TBCB: variants seen among roughly 807,000 people sequenced by gnomAD.
TBCB encodes the protein tubulin folding cofactor B.
Under a neutral mutation model 29.2 loss-of-function variants are expected in TBCB, and 18 were observed. That is an observed-to-expected ratio of 0.62 (90% CI 0.43 to 0.91). TBCB has a LOEUF of 0.91. TBCB is among the 40% of genes least tolerant of loss of function. The pLI, the probability that TBCB is intolerant of heterozygous loss-of-function variation, is 0.00. For synonymous variants in TBCB, 172 were observed against 137.8 expected (o/e 1.25, Z -1.74); for missense variants, 336 against 337.6 (o/e 1.00, Z 0.04).
At chr19:36,124,839 G>A (rs959993057) in intron 4 of TBCB, among the ~76,000 whole-genome samples, 7 of 152,062 alleles carry the variant, frequency 4.6e-5, no homozygotes, top group African/African-American at 1.7e-4. Flanking sequence ...CACCGCACCC[G>A]GCCAGTATGT....
Position 36,125,700 on chromosome 19 carries a change from C to G in TBCB, c.653C>G (p.Ala218Gly), listed in dbSNP as rs755321802. ...GGGAAACGCTACTTCGAATGCCAGGCCAAGTATGGCGCCTTTGTCAAGCCA... is the reference window on the plus strand; with the variant it reads ...GGGAAACGCTACTTCGAATGCCAGGGCAAGTATGGCGCCTTTGTCAAGCCA... ...VNGKRYFECQ[A>G]KYGAFVKPAV... The change falls in exon 6 of 6, where the codon GCC becomes GGC. Residue 218 changes from alanine (A) to glycine (G), a missense_variant. Ala to Gly is a moderately conservative substitution (Grantham distance 60). Coordinates refer to ENST00000221855, the MANE Select transcript of TBCB (RefSeq NM_001281.3). 6.3e-6 allele frequency: 10 copies of G among 1,581,490 alleles called. No individual in the cohort carries two copies. Among genetic ancestry groups the G allele is most frequent in the African/African-American group, 1.3e-5 (1 of 74,198 alleles).
intron 2 of TBCB, chr19:36,116,487 A>T: frequency 3.2e-6 from 1 of 316,162 alleles, no homozygotes; most frequent in Non-Finnish European, 6.0e-6. Context: ...GGAAAGGGTG[A>T]CTTAAGAGAA....
At chr19:36,120,834 C>T (rs763657480) in intron 3 of TBCB, 28 bp downstream of exon 3, 10 of 1,607,470 alleles carry the variant, frequency 6.2e-6, no homozygotes, top group Middle Eastern at 1.7e-4. Context: ...TCGAGGGGTG[C>T]GTGGGGGCCA....
chr19:36,125,709 G>A lies in TBCB; in HGVS notation c.662G>A (p.Gly221Asp), dbSNP rs759344300. The change falls in exon 6 of 6, where the codon GGC becomes GAC. Residue 221 changes from glycine (G) to aspartate (D), a missense_variant. Coordinates refer to ENST00000221855, the MANE Select transcript of TBCB (RefSeq NM_001281.3). ...TACTTCGAATGCCAGGCCAAGTATG[G>A]CGCCTTTGTCAAGCCAGCAGTCGTG... ...KRYFECQAKY[G>D]AFVKPAVVTV... 2.3e-5 allele frequency: 37 copies of A among 1,582,968 alleles called. No homozygotes were observed. The highest frequency in any genetic ancestry group is 3.2e-5 in the Non-Finnish European group (37 of 1,163,874).
At chr19:36,120,949 A>T in intron 3 of TBCB, 143 bp downstream of exon 3, 2 of 591,726 alleles carry the variant, frequency 3.4e-6, no homozygotes, top group Non-Finnish European at 5.5e-6. Context: ...TATAGGGGTG[A>T]GGCTGGGAGT....
intron 3 of TBCB, 107 bp from the exon 4 acceptor site, chr19:36,121,420 A>C (rs1974047143): frequency 7.4e-7 from 1 of 1,354,672 alleles, no homozygotes; most frequent in African/African-American, 1.5e-5. Flanking sequence ...GCCCTTTGTC[A>C]CCTGGAAGAG....
intron 2 of TBCB, among the ~76,000 whole-genome samples, chr19:36,117,321 G>C (rs137946199): frequency 6.6e-6 from 1 of 152,282 alleles, no homozygotes; most frequent in East Asian, 1.9e-4. Context: ...GCCTGGGACA[G>C]GGAGGATAGT....
At chr19:36,119,394 A>G (rs1974007476) in intron 2 of TBCB, among the ~76,000 whole-genome samples, 1 of 151,972 alleles carries the variant, frequency 6.6e-6, no homozygotes, top group Non-Finnish European at 1.5e-5. Context: ...CACTCTCATC[A>G]AATCCTCTCG....
intron 4 of TBCB, among the ~76,000 whole-genome samples, chr19:36,122,458 G>C (rs1041074076): frequency 1.3e-5 from 2 of 151,326 alleles, no homozygotes; most frequent in African/African-American, 4.9e-5. Flanking sequence ...AAAAAGGCTG[G>C]GTGCAGTGGC....
chr19:36,119,411 C>T (rs537074306), intron 2 of TBCB, among the ~76,000 whole-genome samples: 7 of 152,256 alleles, frequency 4.6e-5, no homozygotes, highest in Admixed American at 4.6e-4. Flanking sequence ...CTCGGCTCCA[C>T]CTACAAAAAC....
At chr19:36,119,743 A>C (rs1484259989) in intron 2 of TBCB, among the ~76,000 whole-genome samples, 1 of 151,946 alleles carries the variant, frequency 6.6e-6, no homozygotes. Flanking sequence ...AAATACAAAA[A>C]TTAGCCGGGT....
chr19:36,121,529 A>G lies in TBCB; in HGVS notation c.358A>G (p.Thr120Ala). 6.4e-7 allele frequency: 1 copy of G among 1,555,550 alleles called. No individual in the cohort carries two copies. Among genetic ancestry groups the G allele is most frequent in the Non-Finnish European group, 8.7e-7 (1 of 1,152,428 alleles). Residue 120 changes from threonine (T) to alanine (A), a missense_variant and splice_region_variant, in exon 4 of 6, where the codon ACG (threonine) becomes GCG (alanine). Coordinates refer to ENST00000221855, the MANE Select transcript of TBCB (RefSeq NM_001281.3). ...ACCCCAGCCCCCTCTGCCCACAGAC[A>G]CGGTCCGCTCTTTCCTGAAGCGCAG... ...SQEAYDQRQDTVRSFLKRSKL... is the reference protein window; with the variant it reads ...SQEAYDQRQDAVRSFLKRSKL...
chr19:36,122,029 C>T (rs1383298044), intron 4 of TBCB: 4 of 461,334 alleles, frequency 8.7e-6, no homozygotes, highest in African/African-American at 2.1e-5. Context: ...AAACGGGCGG[C>T]GTGACCAAGG....
rs1974055885 is a variant in TBCB, at chr19:36,121,725, G to C, written c.547+7G>C. On this transcript the variant is annotated splice_region_variant and intron_variant, in intron 4 of 5. Transcript: ENST00000221855. ...GGCACCGTCATGTATGTAGGTGCGT[G>C]GCTCGCGGGCCCGGTCCCGGGCTCC... The C allele has an allele frequency of 7.7e-6, 12 of 1,548,990 alleles. No homozygotes were observed. The highest frequency in any genetic ancestry group is 9.6e-6 in the Non-Finnish European group (11 of 1,147,312).
Position 36,125,472 on chromosome 19 carries a change from G to C in TBCB, c.569G>C (p.Gly190Ala). Residue 190 changes from glycine (G) to alanine (A), a missense_variant, in exon 5 of 6, where the codon GGC becomes GCC. Transcript: ENST00000221855. ...GCAGGTCTCACAGATTTCAAGCCTG[G>C]CTACTGGATTGGTGTCCGCTATGAT... is the stretch of plus-strand genomic sequence containing the variant. ...MYVGLTDFKP[G>A]YWIGVRYDEP... The C allele has an allele frequency of 6.2e-7, 1 of 1,614,208 alleles. No homozygotes were observed. The highest frequency in any genetic ancestry group is 8.5e-7 in the Non-Finnish European group (1 of 1,180,044).
chr19:36,125,339 C>G, intron 4 of TBCB, 112 bp from the exon 5 acceptor site: 1 of 1,214,462 alleles, frequency 8.2e-7, no homozygotes, highest in Non-Finnish European at 1.2e-6. Flanking sequence ...ATGGTTTTCA[C>G]CAAGACAGGC....
At position 36,121,732 on chromosome 19, in the gene TBCB, G is replaced by A. The variant is rs749250106; in HGVS notation, c.547+14G>A. 9.7e-6 allele frequency: 15 copies of A among 1,548,336 alleles called. No homozygotes were observed. The highest frequency in any genetic ancestry group is 5.5e-5 in the African/African-American group (4 of 73,010). ...TCATGTATGTAGGTGCGTGGCTCGC[G>A]GGCCCGGTCCCGGGCTCCAGGGCTC... On this transcript the variant is annotated intron_variant, in intron 4 of 5. Transcript: ENST00000221855.
In TBCB at chr19:36,125,916, C is replaced by CA. The variant is rs1974131976; in HGVS notation, c.*135dup. The CA allele has an allele frequency of 1.6e-6, 1 of 618,826 alleles. No individual in the cohort carries two copies. The highest frequency in any genetic ancestry group is 2.5e-6 in the Non-Finnish European group (1 of 392,936). 38.3% of individuals were successfully genotyped at this position (618,826 alleles called of 1,614,324 possible). A position where few individuals can be genotyped will look rare whatever the true frequency, so the allele number is the denominator to read the frequency against. ...TCCTTTGCCATTGATTTTTGAGACT[C>CA]ATGCATTAAATTCACTAGAAACCCA... On this transcript the variant is annotated 3_prime_UTR_variant, in exon 6 of 6. Transcript: ENST00000221855.
chr19:36,124,450 G>T (rs1355225331), intron 4 of TBCB, among the ~76,000 whole-genome samples: 1 of 152,070 alleles, frequency 6.6e-6, no homozygotes, highest in Non-Finnish European at 1.5e-5. Flanking sequence ...CAAACTCCTG[G>T]CCTCAAGTGA....
Sources: gnomAD v4.1 joint callset for allele counts (sites outside exome capture counted in the v4.1 genomes callset) on GRCh38, gnomAD v4.1.1 for gene constraint, MANE v1.5 for transcripts, NCBI Gene and HGNC (gene_info 2026-07-23, HGNC 2026-07-21) for gene names.